FAM78B: variants seen among roughly 807,000 people sequenced by gnomAD.
The protein encoded by FAM78B is family with sequence similarity 78 member B.
A neutral mutation model predicts 20.0 loss-of-function variants in FAM78B; 10 were observed. The ratio of observed to expected loss-of-function variants is 0.50; its 90% CI spans 0.31 to 0.85. FAM78B has a LOEUF of 0.85. Among genes scored for constraint, FAM78B ranks in the 40% least tolerant of loss-of-function variants. The pLI is 0.05. For synonymous variants in FAM78B, 135 were observed against 132.8 expected (o/e 1.02, Z -0.12); for missense variants, 283 against 345.0 (o/e 0.82, Z 1.42).
chr1:166,160,774 T>G (rs974964076), intron 1 of FAM78B, among the ~76,000 whole-genome samples: 1 of 152,254 alleles, frequency 6.6e-6, no homozygotes, highest in Non-Finnish European at 1.5e-5. Context: ...GCACTGTTCA[T>G]AAACAAGATG....
chr1:166,057,249 T>C (rs1651386824), downstream of FAM78B, among the ~76,000 whole-genome samples: 1 of 152,184 alleles, frequency 6.6e-6, no homozygotes, highest in Admixed American at 6.5e-5. Flanking sequence ...GAATTGTCTT[T>C]TGGACCAAAT....
intron 1 of FAM78B, among the ~76,000 whole-genome samples, chr1:166,090,350 C>G (rs1162581118): frequency 6.6e-6 from 1 of 152,184 alleles, no homozygotes; most frequent in Non-Finnish European, 1.5e-5. Flanking sequence ...ACACATGAAC[C>G]TTCTCAGGTT....
chr1:166,146,698 G>T (rs746664151), intron 1 of FAM78B, among the ~76,000 whole-genome samples: 2 of 152,208 alleles, frequency 1.3e-5, no homozygotes, highest in Non-Finnish European at 2.9e-5. Context: ...AAATTCAGAA[G>T]GCAGAGGGGA....
At chr1:166,096,395 CCAAA>C (rs2101742688) in intron 1 of FAM78B, among the ~76,000 whole-genome samples, 1 of 152,256 alleles carries the variant, frequency 6.6e-6, no homozygotes, top group African/African-American at 2.4e-5. Flanking sequence ...ACTGGCCAAC[CCAAA>C]CAGCCCCATG....
chr1:166,125,622 A>C (rs908431472), intron 1 of FAM78B, among the ~76,000 whole-genome samples: 8 of 152,192 alleles, frequency 5.3e-5, no homozygotes, highest in African/African-American at 1.9e-4. Flanking sequence ...TTTTATGACC[A>C]ATTCAAATAC....
At chr1:166,148,450 G>A (rs1037055644) in intron 1 of FAM78B, among the ~76,000 whole-genome samples, 12 of 152,150 alleles carry the variant, frequency 7.9e-5, no homozygotes, top group African/African-American at 2.9e-4. Context: ...GAAAGTTTGG[G>A]CAACTTACAT....
At chr1:166,067,037 A>C (rs1027012602), downstream of FAM78B, among the ~76,000 whole-genome samples, 1 of 152,214 alleles carries the variant, frequency 6.6e-6, no homozygotes, top group African/African-American at 2.4e-5. Flanking sequence ...TCTTTTACAT[A>C]ATAGTAACAA....
At chr1:166,134,458 A>G (rs183947239) in intron 1 of FAM78B, among the ~76,000 whole-genome samples, 96 of 152,162 alleles carry the variant, frequency 6.3e-4, no homozygotes, top group African/African-American at 2.2e-3. Flanking sequence ...GCTTTTCCAA[A>G]TCATTTGAGA....
intron 1 of FAM78B, 137 bp from the exon 2 acceptor site, chr1:166,070,900 G>T: frequency 1.2e-6 from 1 of 817,592 alleles, no homozygotes; most frequent in Non-Finnish European, 1.8e-6. Context: ...AGGGCAAAAA[G>T]TTCTATGCTG....
In FAM78B at chr1:166,155,127, T is replaced by C. The variant is rs566806131; in HGVS notation, c.263+10859A>G. On this transcript the variant is annotated intron_variant, in intron 1 of 1. Transcript: ENST00000354422. ...CCAGGCAGCTGGGAGGCAAGGAGAC[T>C]AGTCATTTCCAATTTGATTTAAACC... Among the ~76,000 whole-genome samples, 3 of 152,330 alleles carry C rather than the reference T, an allele frequency of 2.0e-5. No individual in the cohort carries two copies. The East Asian group carries it at 5.8e-4, about 29-fold the overall frequency.
At chr1:166,098,453 C>G (rs1359141117) in intron 1 of FAM78B, among the ~76,000 whole-genome samples, 2 of 151,928 alleles carry the variant, frequency 1.3e-5, no homozygotes, top group Admixed American at 1.3e-4. Flanking sequence ...AGGGAGGGAC[C>G]AGAGAAAGGT....
rs563708402 is a variant in FAM78B at position 166,159,141 on chromosome 1, T to G, written c.263+6845A>C. ...TGCAAGAAGCTTTGAGGAAAAGAGC[T>G]AGGTGCATGATGACAGTAACAGCGG... On this transcript the variant is annotated intron_variant, in intron 1 of 1. Transcript: ENST00000354422. Among the ~76,000 whole-genome samples, 7 of 152,344 alleles carry G rather than the reference T, an allele frequency of 4.6e-5. No individual in the cohort carries two copies. In the East Asian group the frequency reaches 1.4e-3, roughly 29 times the overall value.
intron 1 of FAM78B, among the ~76,000 whole-genome samples, chr1:166,162,550 T>C (rs1196683034): frequency 6.6e-6 from 1 of 152,200 alleles, no homozygotes; most frequent in Non-Finnish European, 1.5e-5. Flanking sequence ...GCTCAAATCT[T>C]ACTCAGGAAA....
intron 1 of FAM78B, among the ~76,000 whole-genome samples, chr1:166,152,629 G>A (rs1304753853): frequency 6.6e-6 from 1 of 151,780 alleles, no homozygotes; most frequent in Non-Finnish European, 1.5e-5. Flanking sequence ...AACCCCACAT[G>A]CTCAGGGGAA....
At chr1:166,134,126 T>C (rs1392336754) in intron 1 of FAM78B, among the ~76,000 whole-genome samples, 5 of 152,196 alleles carry the variant, frequency 3.3e-5, no homozygotes, top group African/African-American at 1.2e-4. Flanking sequence ...CCCTACAACA[T>C]TCAGTTTCTC....
In FAM78B at chr1:166,105,973, T is replaced by C. The variant is rs532542327; in HGVS notation, c.264-35210A>G. On this transcript the variant is annotated intron_variant, in intron 1 of 1. Coordinates refer to ENST00000354422, the MANE Select transcript of FAM78B (RefSeq NM_001017961.5). Reference sequence around the variant, plus strand: ...AACCAAGCCAAATGTCCAACAATGATAGACTGGATTAACAAAATGTGGCAC... The same window carrying C: ...AACCAAGCCAAATGTCCAACAATGACAGACTGGATTAACAAAATGTGGCAC... Among the ~76,000 whole-genome samples, 15 of 151,852 alleles carry C rather than the reference T, an allele frequency of 9.9e-5. No homozygotes were observed. The South Asian group carries it at 3.1e-3, about 32-fold the overall frequency.
At chr1:166,102,351 C>A (rs1200720645) in intron 1 of FAM78B, among the ~76,000 whole-genome samples, 1 of 152,168 alleles carries the variant, frequency 6.6e-6, no homozygotes, top group Non-Finnish European at 1.5e-5. Flanking sequence ...TAAATTCACA[C>A]ATAACAATAT....
downstream of FAM78B, among the ~76,000 whole-genome samples, chr1:166,066,866 G>A (rs1651813909): frequency 6.6e-6 from 1 of 152,190 alleles, no homozygotes; most frequent in Admixed American, 6.5e-5. Context: ...CATCTCATGT[G>A]AGATGAGATT....
At chr1:166,106,195 G>A (rs1181005727) in intron 1 of FAM78B, among the ~76,000 whole-genome samples, 3 of 131,472 alleles carry the variant, frequency 2.3e-5, no homozygotes, top group African/African-American at 5.7e-5. Context: ...ATCGCACACC[G>A]GGGCCTGTTG....
Sources: allele counts gnomAD v4.1 joint callset (sites outside exome capture counted in the v4.1 genomes callset), GRCh38; gene constraint gnomAD v4.1.1; transcripts MANE v1.5; gene names NCBI Gene and HGNC (gene_info 2026-07-23, HGNC 2026-07-21).